Variants in CYP2A6 observed in about 807,000 individuals in gnomAD.
The protein encoded by CYP2A6 is cytochrome P450 2A6.
A neutral mutation model predicts 42.3 loss-of-function variants in CYP2A6; 27 were observed. The observed-to-expected ratio is 0.64, with a 90% CI of 0.47 to 0.88. CYP2A6 has a LOEUF of 0.88. CYP2A6 is among the 40% of genes least tolerant of loss of function. The pLI is 0.00. For synonymous variants in CYP2A6, 238 were observed against 246.3 expected, an observed-to-expected ratio of 0.97 and a Z score of 0.31; for missense variants, 628 against 646.0, an observed-to-expected ratio of 0.97 and a Z score of 0.30.
In CYP2A6 at chr19:40,843,987, A is replaced by T; in HGVS notation, c.1304-10T>A. The T allele has an allele frequency of 6.3e-7, 1 of 1,587,432 alleles. No homozygotes were observed. On this transcript the variant is annotated splice_polypyrimidine_tract_variant and intron_variant, in intron 8 of 8. Transcript: ENST00000301141. ...AAACAGTTCCGCTTTCCTGAGGAGG[A>T]GAGGCGGGAGGGGTGGAGGTGAAGC...
chr19:40,848,150 T>C, intron 4 of CYP2A6, 69 bp downstream of exon 4: 2 of 1,590,826 alleles, frequency 1.3e-6, no homozygotes, highest in Non-Finnish European at 1.7e-6. Flanking sequence ...TTGGGGCACC[T>C]GTCTCCAGGT....
chr19:40,845,539 A>T lies in CYP2A6; in HGVS notation c.974-58T>A, dbSNP rs1374376415. ...TAGGGGTCTCAGAGCAGGAAATGAT[A>T]GTCCGAATAGGCAAAATGGGGTGGA... On this transcript the variant is annotated intron_variant, in intron 6 of 8. Coordinates refer to ENST00000301141, the MANE Select transcript of CYP2A6 (RefSeq NM_000762.6). 38 of 1,595,958 alleles carry T rather than the reference A, an allele frequency of 2.4e-5. 1 individual carries two copies. Among genetic ancestry groups the T allele is most frequent in the Non-Finnish European group, 3.2e-5 (37 of 1,170,214 alleles).
intron 7 of CYP2A6, 180 bp from the exon 8 acceptor site, chr19:40,844,952 G>T (rs991620314): frequency 3.4e-5 from 28 of 830,282 alleles, no homozygotes; most frequent in Non-Finnish European, 4.6e-5. Context: ...GAAACAGGAA[G>T]TTTGGGAGAC....
At position 40,845,303 on chromosome 19, in the gene CYP2A6, G is replaced by A; in HGVS notation, c.1152C>T (p.Phe384=). Residue 384 remains phenylalanine (F), a synonymous_variant, in exon 7 of 9, where the codon TTC becomes TTT. Transcript: ENST00000301141. ...TGGGGGCGGATAGCACCTTAGGGAG[G>A]AAGAAATCCCGAAACTTGGTGTCCT... ...VKKDTKFRDF[F]LPKGTEVYPM... 2 of 1,611,600 alleles carry A rather than the reference G, an allele frequency of 1.2e-6. No individual in the cohort carries two copies. Among genetic ancestry groups the A allele is most frequent in the Non-Finnish European group, 8.5e-7 (1 of 1,179,874 alleles).
At position 40,846,301 on chromosome 19, in the gene CYP2A6, C is replaced by G. The variant is rs199808813; in HGVS notation, c.832-204G>C. On this transcript the variant is annotated intron_variant, in intron 5 of 8. Coordinates refer to ENST00000301141, the MANE Select transcript of CYP2A6 (RefSeq NM_000762.6). ...TGCTCTTCCTTCTCACCTTCTTTAC[C>G]TTGCTGACCATCTGTCCTTCAATTA... Among the ~76,000 whole-genome samples, 121 of 143,958 alleles carry G rather than the reference C, an allele frequency of 8.4e-4. 1 individual carries two copies. The highest frequency in any genetic ancestry group is 2.6e-3 in the African/African-American group (104 of 39,772). The allele number at this position is 143,958 out of a possible 152,430, so 94.4% of individuals were successfully genotyped here.
Position 40,846,874 on chromosome 19 carries a change from C to T in CYP2A6, c.831+1G>A. On this transcript the variant is annotated splice_donor_variant, in intron 5 of 8. Coordinates refer to ENST00000301141, the MANE Select transcript of CYP2A6 (RefSeq NM_000762.6). LOFTEE classifies it high-confidence loss of function. ...TCCCCGCAGTGGCTGCTGGGGTGTA[C>T]CTCCTGCATGCGGATGAGAAAGGAG... 1 of 1,611,738 alleles carries T rather than the reference C, an allele frequency of 6.2e-7. No individual in the cohort carries two copies. Among genetic ancestry groups the T allele is most frequent in the Non-Finnish European group, 8.5e-7 (1 of 1,179,784 alleles).
Position 40,846,995 on chromosome 19 carries a change from G to C in CYP2A6, c.711C>G (p.Ala237=). The C allele has an allele frequency of 5.6e-6, 9 of 1,611,966 alleles. No homozygotes were observed. Among genetic ancestry groups the C allele is most frequent in the Non-Finnish European group, 7.6e-6 (9 of 1,179,858 alleles). ...CCTCCAGCCCTTGCAGCAACTGAAA[G>C]GCCTGTTGCTGTGGTCCTGGCAGGT... ...MKHLPGPQQQ[A]FQLLQGLEDF... Residue 237 remains alanine, a synonymous_variant, in exon 5 of 9, where the codon GCC becomes GCG. Coordinates refer to ENST00000301141, the MANE Select transcript of CYP2A6 (RefSeq NM_000762.6).
At chr19:40,848,905 G>T in intron 2 of CYP2A6, 142 bp from the exon 3 acceptor site, 2 of 868,812 alleles carry the variant, frequency 2.3e-6, no homozygotes, top group Non-Finnish European at 3.4e-6. Flanking sequence ...GCCCAGCAGA[G>T]CTGCAAACTC....
chr19:40,849,009 A>C (rs989068215), intron 2 of CYP2A6, among the ~76,000 whole-genome samples: 1 of 77,904 alleles, frequency 1.3e-5, no homozygotes, highest in Non-Finnish European at 2.6e-5. Context: ...AGAGAGAGAG[A>C]GAAGAGAGAG....
Position 40,846,555 on chromosome 19 carries a change from C to T in CYP2A6, c.831+320G>A, listed in dbSNP as rs72549442. ...TCATTCTGTCACCCAGACTGGAGTG[C>T]AATGCCGTGATCTTGGCTCATTGCA... On this transcript the variant is annotated intron_variant, in intron 5 of 8. Transcript: ENST00000301141. Among the ~76,000 whole-genome samples the T allele has an allele frequency of 2.0e-3, 299 of 151,340 alleles. 9 individuals carry two copies. The highest frequency in any genetic ancestry group is 7.0e-3 in the African/African-American group (288 of 41,210).
Position 40,843,574 on chromosome 19 carries a change from T to G in CYP2A6, c.*222A>C. On this transcript the variant is annotated 3_prime_UTR_variant, in exon 9 of 9. Coordinates refer to ENST00000301141, the MANE Select transcript of CYP2A6 (RefSeq NM_000762.6). The stretch of plus-strand genomic sequence containing the variant: ...TAAGAGCTGCTATTATTACTACTCT[T>G]CATAGCATAATGTAAGGGTTTCCTT... 3.8e-6 allele frequency: 3 copies of G among 799,742 alleles called. No homozygotes were observed. The highest frequency in any genetic ancestry group is 1.9e-5 in the South Asian group (1 of 52,076). 49.5% of individuals were successfully genotyped at this position (799,742 alleles called of 1,614,324 possible).
chr19:40,844,585 C>T, intron 8 of CYP2A6, 46 bp downstream of exon 8: 1 of 1,610,546 alleles, frequency 6.2e-7, no homozygotes, highest in East Asian at 2.3e-5. Flanking sequence ...GAGGGAGGCC[C>T]CTGCTGGTGT....
In CYP2A6 at chr19:40,846,054, A is replaced by C. The variant is rs113558392; in HGVS notation, c.875T>G (p.Val292Gly). Residue 292 changes from valine (V) to glycine (G), a missense_variant, in exon 6 of 9, where the codon GTG becomes GGG. Coordinates refer to ENST00000301141, the MANE Select transcript of CYP2A6 (RefSeq NM_000762.6). ...PNTEFYLKNLVMTTLNLFIGG... is the reference protein window; with the variant it reads ...PNTEFYLKNLGMTTLNLFIGG... ...AATGAAGAGGTTCAACGTGGTCATC[A>C]CCAGGTTTTTCAAGTAGAACTCCGT... The C allele has an allele frequency of 2.0e-5, 33 of 1,611,488 alleles. 3 individuals are homozygous for C. Among genetic ancestry groups the C allele is most frequent in the African/African-American group, 1.2e-4 (9 of 74,606 alleles).
At chr19:40,849,021 G>GGAGAGAGAGAGAGGAGA (rs1967165677) in intron 2 of CYP2A6, among the ~76,000 whole-genome samples, 3 of 50,118 alleles carry the variant, frequency 6.0e-5, no homozygotes, top group African/African-American at 2.7e-4. Context: ...AAGAGAGAGA[G>GGAGAGAGAGAGAGGAGA]GAGAGAGAGA....
Position 40,849,610 on chromosome 19 carries a change from A to C in CYP2A6, c.343+208T>G, listed in dbSNP as rs185167383. 1.2e-3 allele frequency among the ~76,000 whole-genome samples: 179 copies of C among 151,474 alleles called. 4 individuals carry two copies. The highest frequency in any genetic ancestry group is 4.0e-3 in the African/African-American group (164 of 41,236). On this transcript the variant is annotated intron_variant, in intron 2 of 8. Coordinates refer to ENST00000301141, the MANE Select transcript of CYP2A6 (RefSeq NM_000762.6). ...GAGAGAGAATAAGGAGGTGGGGCAGAGAGAGGCAGGGAGGAATCAGGACAG... is the reference window on the plus strand; with the variant it reads ...GAGAGAGAATAAGGAGGTGGGGCAGCGAGAGGCAGGGAGGAATCAGGACAG...
Position 40,843,861 on chromosome 19 carries a change from A to T in CYP2A6, c.1420T>A (p.Ser474Thr). The T allele has an allele frequency of 6.2e-7, 1 of 1,612,016 alleles. No homozygotes were observed. Among genetic ancestry groups the T allele is most frequent in the Non-Finnish European group, 8.5e-7 (1 of 1,179,706 alleles). ...SSQSPKDIDVSPKHVGFATIP... is the reference protein window; with the variant it reads ...SSQSPKDIDVTPKHVGFATIP... ...GTGGCAAAGCCCACGTGTTTGGGGG[A>T]CACGTCAATGTCCTTAGGTGACTGG... Residue 474 changes from serine to threonine, a missense_variant, in exon 9 of 9, where the codon TCC becomes ACC. Ser to Thr is a moderately conservative substitution (Grantham distance 58). Around this residue, in one of 2 missense-constraint regions of CYP2A6, gnomAD observed 22 missense variants for 77.8 expected, o/e 0.28. Transcript: ENST00000301141.
intron 2 of CYP2A6, 58 bp from the exon 3 acceptor site, chr19:40,848,821 A>G: frequency 6.4e-7 from 1 of 1,556,064 alleles, no homozygotes; most frequent in Non-Finnish European, 8.7e-7. Context: ...GCAGGAGCGG[A>G]GCAGCTCCAA....
rs779290232 is a variant in CYP2A6 at position 40,845,336 on chromosome 19, T to A, written c.1119A>T (p.Arg373Ser). Residue 373 changes from arginine (R) to serine (S), a missense_variant, in exon 7 of 9, where the codon AGA becomes AGT. Arg to Ser is a moderately radical substitution (Grantham distance 110, BLOSUM62 -1). Coordinates refer to ENST00000301141, the MANE Select transcript of CYP2A6 (RefSeq NM_000762.6). ...GDVIPMSLAR[R>S]VKKDTKFRDF... ...CCCGAAACTTGGTGTCCTTTTTGACTCTGCGGGCCAAACTCATGGGGATCA... is the reference window on the plus strand; with the variant it reads ...CCCGAAACTTGGTGTCCTTTTTGACACTGCGGGCCAAACTCATGGGGATCA... 1 of 1,611,440 alleles carries A rather than the reference T, an allele frequency of 6.2e-7. No homozygotes were observed. The highest frequency in any genetic ancestry group is 1.7e-5 in the Admixed American group (1 of 59,942).
In CYP2A6 at chr19:40,849,761, A is replaced by G. The variant is rs1436403649; in HGVS notation, c.343+57T>C. The G allele has an allele frequency of 2.4e-5, 39 of 1,603,414 alleles. 2 individuals carry two copies. In the East Asian group the frequency reaches 3.0e-4, roughly 12 times the overall value. ...CAGGAGAGTCAGGGAGAAGGCTGGGAACACTGAGACCTTCGTGTCCACCTG... is the reference window on the plus strand; with the variant it reads ...CAGGAGAGTCAGGGAGAAGGCTGGGGACACTGAGACCTTCGTGTCCACCTG... On this transcript the variant is annotated intron_variant, in intron 2 of 8. Transcript: ENST00000301141.
Sources: gnomAD v4.1 joint callset for allele counts (sites outside exome capture counted in the v4.1 genomes callset) on GRCh38, gnomAD v4.1.1 for gene constraint, gnomAD v4.1.1 regional missense constraint, MANE v1.5 for transcripts, NCBI Gene and HGNC (gene_info 2026-07-23, HGNC 2026-07-21) for gene names.